The following CDK15 variants were observed in gnomAD, a reference collection of about 807,000 sequenced individuals.
The protein encoded by CDK15 is cyclin dependent kinase 15, also known as cyclin-dependent kinase 15.
In CDK15, 62 loss-of-function variants were observed where a neutral mutation model predicts 60.3. The observed-to-expected ratio is 1.03, with a 90% CI of 0.84 to 1.27. The LOEUF (loss-of-function observed/expected upper bound fraction) is 1.27, where lower values mean the gene tolerates loss of function less well. Ranked by LOEUF, CDK15 falls within the 50% of genes most tolerant of loss-of-function variation. The pLI is 0.00. For synonymous variants in CDK15, 194 were observed against 195.7 expected (o/e 0.99, Z 0.07); for missense variants, 541 against 527.8 (o/e 1.03, Z -0.25).
intron 12 of CDK15, among the ~76,000 whole-genome samples, chr2:201,880,852 A>T (rs1481549107): frequency 7.0e-6 from 1 of 142,912 alleles, no homozygotes; most frequent in Non-Finnish European, 1.5e-5. Flanking sequence ...GTCATGGGGG[A>T]CTATCCTTAG....
chr2:201,889,026 T>C (rs940920582), intron 12 of CDK15: 1 of 985,350 alleles, frequency 1.0e-6, no homozygotes, highest in Non-Finnish European at 1.2e-6. Flanking sequence ...GTATGATGGC[T>C]CCCCTTTCCA....
chr2:201,835,425 C>T (rs987803521), intron 7 of CDK15, among the ~76,000 whole-genome samples: 1 of 152,190 alleles, frequency 6.6e-6, no homozygotes, highest in Non-Finnish European at 1.5e-5. Context: ...TGACCACACC[C>T]AGCTGCCAAG....
chr2:201,857,495 A>G (rs1043295286), intron 10 of CDK15, among the ~76,000 whole-genome samples: 2 of 151,852 alleles, frequency 1.3e-5, no homozygotes, highest in Non-Finnish European at 2.9e-5. Context: ...GAGAGGGTGC[A>G]TTCTTGGATC....
intron 9 of CDK15, among the ~76,000 whole-genome samples, chr2:201,849,013 C>A (rs987728350): frequency 1.3e-5 from 2 of 152,032 alleles, no homozygotes; most frequent in Non-Finnish European, 2.9e-5. Context: ...TTATTGGGTG[C>A]TATAACATCA....
chr2:201,812,856 T>C (rs1415291719), intron 4 of CDK15, among the ~76,000 whole-genome samples: 2 of 152,236 alleles, frequency 1.3e-5, no homozygotes, highest in Non-Finnish European at 2.9e-5. Context: ...GCTATACCTA[T>C]ATAACCTCAG....
intron 1 of CDK15, 86 bp downstream of exon 1, chr2:201,806,873 T>G (rs974437072): frequency 6.0e-6 from 9 of 1,495,704 alleles, no homozygotes; most frequent in Non-Finnish European, 6.4e-6. Context: ...GATCTGATTC[T>G]TCTGCGGTAG....
At chr2:201,871,522 C>T (rs993725274) in intron 10 of CDK15, among the ~76,000 whole-genome samples, 1 of 151,864 alleles carries the variant, frequency 6.6e-6, no homozygotes, top group African/African-American at 2.4e-5. Context: ...ATTTCACGCG[C>T]GTATACTTGT....
intron 10 of CDK15, among the ~76,000 whole-genome samples, chr2:201,868,211 AG>A (rs1698707899): frequency 6.6e-6 from 1 of 152,194 alleles, no homozygotes; most frequent in Non-Finnish European, 1.5e-5. Flanking sequence ...TATGTCAGAA[AG>A]GGAGAGAAGC....
At chr2:201,850,080 C>T (rs1426990482) in intron 9 of CDK15, among the ~76,000 whole-genome samples, 2 of 152,194 alleles carry the variant, frequency 1.3e-5, no homozygotes, top group Non-Finnish European at 2.9e-5. Context: ...GCTTTGGCCT[C>T]CCAAAGTGGT....
chr2:201,837,599 T>C (rs1697186111), intron 8 of CDK15, among the ~76,000 whole-genome samples: 1 of 152,044 alleles, frequency 6.6e-6, no homozygotes. Context: ...ATAGTGAGCA[T>C]GGGCTGTCAG....
chr2:201,824,666 G>T, intron 6 of CDK15: 1 of 339,248 alleles, frequency 2.9e-6, no homozygotes, highest in South Asian at 3.8e-5. Flanking sequence ...AATATGAGTA[G>T]AGTTAATAGT....
intron 10 of CDK15, among the ~76,000 whole-genome samples, chr2:201,865,042 G>A (rs185146374): frequency 7.2e-5 from 11 of 152,160 alleles, no homozygotes; most frequent in Admixed American, 6.5e-4. Context: ...AGAAGGAACA[G>A]CCAGAGGAGC....
At chr2:201,864,696 C>A (rs1197951399) in intron 10 of CDK15, among the ~76,000 whole-genome samples, 1 of 152,148 alleles carries the variant, frequency 6.6e-6, no homozygotes, top group African/African-American at 2.4e-5. Context: ...CCACTGTGCC[C>A]GGCCACCCCT....
At chr2:201,886,119 C>T (rs1017215236) in intron 12 of CDK15, among the ~76,000 whole-genome samples, 1 of 152,156 alleles carries the variant, frequency 6.6e-6, no homozygotes, top group Non-Finnish European at 1.5e-5. Flanking sequence ...CTCTCATGTA[C>T]TGTGTTTATT....
At chr2:201,860,892 T>TA in intron 10 of CDK15, 1 of 1,349,672 alleles carries the variant, frequency 7.4e-7, no homozygotes, top group South Asian at 1.1e-5. Context: ...AGAAGATGAT[T>TA]AAAATGATCC....
intron 8 of CDK15, among the ~76,000 whole-genome samples, chr2:201,836,230 G>A (rs1432755289): frequency 8.1e-6 from 1 of 123,552 alleles, no homozygotes; most frequent in Non-Finnish European, 1.6e-5. Context: ...TTGAGATGGA[G>A]TCTCACTCTA....
chr2:201,875,725 AT>A (rs994987097), intron 11 of CDK15, among the ~76,000 whole-genome samples: 1 of 152,180 alleles, frequency 6.6e-6, no homozygotes, highest in Non-Finnish European at 1.5e-5. Flanking sequence ...GTATGATCCC[AT>A]TTTTTTGTAA....
At chr2:201,850,074 T>C (rs1324594706) in intron 9 of CDK15, among the ~76,000 whole-genome samples, 1 of 152,196 alleles carries the variant, frequency 6.6e-6, no homozygotes, top group Non-Finnish European at 1.5e-5. Context: ...CCACCCGCTT[T>C]GGCCTCCCAA....
At chr2:201,874,741 G>C (rs533162566) in intron 11 of CDK15, among the ~76,000 whole-genome samples, 1 of 152,152 alleles carries the variant, frequency 6.6e-6, no homozygotes, top group East Asian at 1.9e-4. Flanking sequence ...TAGTAGGTAC[G>C]CACTCACTTT....
Sources: gnomAD v4.1 joint callset for allele counts (sites outside exome capture counted in the v4.1 genomes callset) on GRCh38, gnomAD v4.1.1 for gene constraint, MANE v1.5 for transcripts, NCBI Gene and HGNC (gene_info 2026-07-23, HGNC 2026-07-21) for gene names.